The following IKZF2 variants were observed in gnomAD, a reference collection of about 807,000 sequenced individuals.
The protein encoded by IKZF2 is IKAROS family zinc finger 2.
In IKZF2, 15 loss-of-function variants were observed where a neutral mutation model predicts 49.2. That is an observed-to-expected ratio of 0.30 (90% confidence interval 0.20 to 0.47). The LOEUF is 0.47. Among genes scored for constraint, IKZF2 ranks in the 20% least tolerant of loss-of-function variants. The probability of loss-of-function intolerance (pLI) is 1.00; values close to 1 mark genes in which losing one functional copy is unlikely to be tolerated. For missense variants in IKZF2, 567 were observed against 664.6 expected (o/e 0.85, Z 1.61); for synonymous variants, 227 against 221.4 (o/e 1.03, Z -0.23).
intron 5 of IKZF2, among the ~76,000 whole-genome samples, chr2:213,051,016 T>A (rs1012497688): frequency 6.6e-6 from 1 of 152,052 alleles, no homozygotes; most frequent in African/African-American, 2.4e-5. Context: ...TGCAGTTAGA[T>A]GATGATTCTA....
intron 4 of IKZF2, among the ~76,000 whole-genome samples, chr2:213,084,967 T>C (rs1704404631): frequency 6.6e-6 from 1 of 151,956 alleles, no homozygotes; most frequent in African/African-American, 2.4e-5. Flanking sequence ...CCTAACAGAA[T>C]AGTGAATCTA....
chr2:213,020,973 G>C (rs752463674), intron 7 of IKZF2, among the ~76,000 whole-genome samples: 71 of 152,288 alleles, frequency 4.7e-4, no homozygotes, highest in Non-Finnish European at 7.5e-4. Context: ...AGAACTTTGG[G>C]AAGGCAAGGC....
chr2:213,143,618 T>C (rs1334180347), intron 4 of IKZF2, among the ~76,000 whole-genome samples: 1 of 151,908 alleles, frequency 6.6e-6, no homozygotes, highest in Admixed American at 6.6e-5. Flanking sequence ...CAAACCTAAG[T>C]ATGGCGACTT....
At chr2:213,125,544 T>G (rs2060230446) in intron 4 of IKZF2, among the ~76,000 whole-genome samples, 2 of 152,220 alleles carry the variant, frequency 1.3e-5, no homozygotes, top group African/African-American at 4.8e-5. Flanking sequence ...CTAGTTGTAG[T>G]GTAAATTGTT....
rs956428423 is a variant in IKZF2 at position 213,007,015 on chromosome 2, A to G, written c.*345T>C. 2.2e-5 allele frequency: 4 copies of G among 183,088 alleles called. No individual in the cohort carries two copies. The highest frequency in any genetic ancestry group is 9.4e-5 in the African/African-American group (4 of 42,516). The allele number at this position is 183,088 out of a possible 1,614,324, so 11.3% of individuals were successfully genotyped here. A position where few individuals can be genotyped will look rare whatever the true frequency, so the allele number is the denominator to read the frequency against. ...TTCCTGTCTTCCATCATAATTCTGA[A>G]TATCAGTGGCAAATCAGAATCTCTT... On this transcript the variant is annotated 3_prime_UTR_variant, in exon 9 of 9. Coordinates refer to ENST00000434687, the MANE Select transcript of IKZF2 (RefSeq NM_001387220.1).
chr2:213,125,704 A>G (rs2060236959), intron 4 of IKZF2, among the ~76,000 whole-genome samples: 1 of 152,216 alleles, frequency 6.6e-6, no homozygotes, highest in Non-Finnish European at 1.5e-5. Flanking sequence ...CAATGTCTAC[A>G]TAATAACAAA....
chr2:213,071,485 A>G (rs1702696206), intron 4 of IKZF2, among the ~76,000 whole-genome samples: 1 of 152,116 alleles, frequency 6.6e-6, no homozygotes, highest in Non-Finnish European at 1.5e-5. Flanking sequence ...TTCACTCAAC[A>G]AATATTTATG....
chr2:213,043,804 G>A (rs1007359038), intron 6 of IKZF2, among the ~76,000 whole-genome samples: 5 of 152,202 alleles, frequency 3.3e-5, no homozygotes, highest in Non-Finnish European at 7.3e-5. Context: ...CTTGCTCACT[G>A]CTGCTCACCT....
intron 4 of IKZF2, among the ~76,000 whole-genome samples, chr2:213,107,178 A>G (rs2059562572): frequency 6.6e-6 from 1 of 152,182 alleles, no homozygotes; most frequent in African/African-American, 2.4e-5. Flanking sequence ...AGACCATCAC[A>G]AAGCACTCAG....
intron 4 of IKZF2, among the ~76,000 whole-genome samples, chr2:213,119,461 T>C (rs1047858312): frequency 2.6e-5 from 4 of 151,834 alleles, no homozygotes; most frequent in Non-Finnish European, 2.9e-5. Flanking sequence ...AAAAATCTAA[T>C]GCTGCGAGCC....
At chr2:213,070,881 A>G (rs578238083) in intron 4 of IKZF2, among the ~76,000 whole-genome samples, 1 of 152,308 alleles carries the variant, frequency 6.6e-6, no homozygotes, top group Non-Finnish European at 1.5e-5. Context: ...GGGCCACAGG[A>G]ATTTATTATT....
rs1574452594 is a variant in IKZF2, at chr2:213,005,537, C to T, written c.*1823G>A. 6.6e-6 allele frequency: 1 copy of T among 151,938 alleles called. No individual in the cohort carries two copies. Among genetic ancestry groups the T allele is most frequent in the East Asian group, 1.9e-4 (1 of 5,168 alleles). The allele number at this position is 151,938 out of a possible 1,614,324, so 9.4% of individuals were successfully genotyped here. A position where few individuals can be genotyped will look rare whatever the true frequency, so the allele number is the denominator to read the frequency against. The stretch of plus-strand genomic sequence containing the variant: ...GCCAAACTTGCTTATGTCCACAATT[C>T]TCTTGACTTGGTAATTCTCATACCA... On this transcript the variant is annotated 3_prime_UTR_variant, in exon 9 of 9. Coordinates refer to ENST00000434687, the MANE Select transcript of IKZF2 (RefSeq NM_001387220.1).
At chr2:213,105,692 G>A (rs2125731018) in intron 4 of IKZF2, among the ~76,000 whole-genome samples, 1 of 152,124 alleles carries the variant, frequency 6.6e-6, no homozygotes, top group Non-Finnish European at 1.5e-5. Flanking sequence ...CAAGTGCAAA[G>A]ATCCTTTTTA....
chr2:213,066,441 G>A (rs1037618580), intron 4 of IKZF2, among the ~76,000 whole-genome samples: 1 of 152,020 alleles, frequency 6.6e-6, no homozygotes, highest in African/African-American at 2.4e-5. Context: ...AACATCCCTG[G>A]GTCATACACA....
intron 3 of IKZF2, among the ~76,000 whole-genome samples, chr2:213,148,141 A>G (rs1315876025): frequency 2.0e-5 from 3 of 152,242 alleles, no homozygotes; most frequent in Admixed American, 2.0e-4. Context: ...ATTTATAATG[A>G]GCATTTTCCA....
intron 6 of IKZF2, among the ~76,000 whole-genome samples, chr2:213,045,037 T>C (rs1700026669): frequency 6.6e-6 from 1 of 152,188 alleles, no homozygotes; most frequent in Admixed American, 6.5e-5. Flanking sequence ...ACTAGCCATA[T>C]TTAGGTGTTT....
At position 213,013,926 on chromosome 2, in the gene IKZF2, T is replaced by C; in HGVS notation, c.721A>G (p.Met241Val). ...GQVMSHHVPP[M>V]EDCKEQEPIM... ...GGCTCTTGTTCCTTACAATCTTCCA[T>C]AGGAGGTACTATACAAAACCATAGA... The change falls in exon 8 of 9, where the codon ATG becomes GTG. Residue 241 changes from methionine (M) to valine (V), a missense_variant. Transcript: ENST00000434687. The C allele has an allele frequency of 4.3e-6, 7 of 1,611,104 alleles. No individual in the cohort carries two copies. Among genetic ancestry groups the C allele is most frequent in the South Asian group, 2.2e-5 (2 of 90,968 alleles).
intron 4 of IKZF2, among the ~76,000 whole-genome samples, chr2:213,067,101 G>A (rs1247625784): frequency 3.3e-5 from 5 of 152,096 alleles, no homozygotes; most frequent in African/African-American, 4.8e-5. Context: ...ATGACCTTAG[G>A]AAACCTAAGT....
At position 213,005,881 on chromosome 2, in the gene IKZF2, TAAGGGA is replaced by T. The variant is rs1246579184; in HGVS notation, c.*1473_*1478del. 1 of 152,094 alleles carries T rather than the reference TAAGGGA, an allele frequency of 6.6e-6. No homozygotes were observed. The highest frequency in any genetic ancestry group is 1.5e-5 in the Non-Finnish European group (1 of 67,990). 9.4% of individuals were successfully genotyped at this position (152,094 alleles called of 1,614,324 possible). On this transcript the variant is annotated 3_prime_UTR_variant, in exon 9 of 9. Transcript: ENST00000434687. ...ATACCATGTAAGGGGAATTCTATACTAAGGGATTGAGATTCATTTCTGACAAGGACT... is the reference window on the plus strand; with the variant it reads ...ATACCATGTAAGGGGAATTCTATACTTTGAGATTCATTTCTGACAAGGACT...
Sources: allele counts gnomAD v4.1 joint callset (sites outside exome capture counted in the v4.1 genomes callset), GRCh38; gene constraint gnomAD v4.1.1; transcripts MANE v1.5; gene names NCBI Gene and HGNC (gene_info 2026-07-23, HGNC 2026-07-21).